BICRAL: variants seen among roughly 807,000 people sequenced by gnomAD.
BICRAL encodes BRD4-interacting chromatin-remodeling complex-associated protein-like.
Under a neutral mutation model 91.8 loss-of-function variants are expected in BICRAL, and 8 were observed. That is an observed-to-expected ratio of 0.09 (90% CI 0.05 to 0.16). The LOEUF (loss-of-function observed/expected upper bound fraction) is 0.16, where lower values mean the gene tolerates loss of function less well. Among genes scored for constraint, BICRAL ranks in the 10% least tolerant of loss-of-function variants. The pLI is 1.00. For synonymous variants in BICRAL, 445 were observed against 491.1 expected, an observed-to-expected ratio of 0.91 and a Z score of 1.24; for missense variants, 1,038 against 1,310.9, an observed-to-expected ratio of 0.79 and a Z score of 3.21.
At chr6:42,774,428 G>A (rs1762782294) in intron 1 of BICRAL, among the ~76,000 whole-genome samples, 1 of 152,152 alleles carries the variant, frequency 6.6e-6, no homozygotes, top group Admixed American at 6.5e-5. Context: ...CTTGCATGTG[G>A]TGGGGCAGGA....
At chr6:42,838,453 G>T (rs2113978860) in intron 6 of BICRAL, among the ~76,000 whole-genome samples, 1 of 152,236 alleles carries the variant, frequency 6.6e-6, no homozygotes, top group South Asian at 2.1e-4. Context: ...TGGTTAAGTG[G>T]CCTCTCCCAG....
chr6:42,784,049 G>C (rs1234588746), intron 1 of BICRAL, among the ~76,000 whole-genome samples: 1 of 152,150 alleles, frequency 6.6e-6, no homozygotes, highest in East Asian at 1.9e-4. Flanking sequence ...TCGTTTCTTA[G>C]TTTTACTCTA....
upstream of BICRAL, among the ~76,000 whole-genome samples, chr6:42,746,758 C>T (rs1762282878): frequency 6.6e-6 from 1 of 152,088 alleles, no homozygotes; most frequent in Non-Finnish European, 1.5e-5. Flanking sequence ...GGCCTGGGGG[C>T]TCCTGGATCC....
chr6:42,855,814 T>C, intron 8 of BICRAL, 42 bp from the exon 9 acceptor site: 1 of 1,512,474 alleles, frequency 6.6e-7, no homozygotes, highest in Non-Finnish European at 9.2e-7. Context: ...TGTATTCTTT[T>C]TTCTATAAAA....
chr6:42,781,922 C>CG (rs34660487), upstream of BICRAL: 146,589 of 146,710 alleles, frequency 1, 73,234 homozygotes, highest in Middle Eastern at 1. Context: ...GCGCGGGGAG[C>CG]GGCGCCCCGG....
intron 1 of BICRAL, among the ~76,000 whole-genome samples, chr6:42,748,719 G>A (rs572908554): frequency 7.9e-5 from 12 of 152,220 alleles, no homozygotes; most frequent in Non-Finnish European, 1.5e-4. Flanking sequence ...GCATTGGCTG[G>A]ACAGTTCTTT....
At chr6:42,798,933 A>AT (rs1449697752) in intron 1 of BICRAL, among the ~76,000 whole-genome samples, 1 of 113,480 alleles carries the variant, frequency 8.8e-6, no homozygotes, top group African/African-American at 4.7e-5. Context: ...TAAAATTTGT[A>AT]TTATTTTTTA....
chr6:42,823,229 G>A (rs533610032), intron 5 of BICRAL, among the ~76,000 whole-genome samples: 66 of 152,176 alleles, frequency 4.3e-4, no homozygotes, highest in African/African-American at 1.4e-3. Context: ...AGGCTGAAGC[G>A]ATCCTCCCAC....
rs16896080 is a variant in BICRAL at position 42,803,509 on chromosome 6, T to C, written c.-101-6797T>C. 7.4e-3 allele frequency among the ~76,000 whole-genome samples: 1,121 copies of C among 152,282 alleles called. 9 individuals are homozygous for C. The highest frequency in any genetic ancestry group is 0.024 in the African/African-American group (993 of 41,558). The stretch of plus-strand genomic sequence containing the variant: ...GTCAAAAAGTGCTCACATGTAGCCT[T>C]GGTGCATATTCTTGGAAAGTAAATT... On this transcript the variant is annotated intron_variant, in intron 1 of 12. Coordinates refer to ENST00000314073, the MANE Select transcript of BICRAL (RefSeq NM_001393499.1).
intron 1 of BICRAL, among the ~76,000 whole-genome samples, chr6:42,774,500 C>A (rs1020108183): frequency 1.3e-5 from 2 of 152,180 alleles, no homozygotes; most frequent in Non-Finnish European, 2.9e-5. Context: ...TCAGTGTGCC[C>A]TTTGCTCTGA....
At chr6:42,840,192 C>A (rs1764742632) in intron 6 of BICRAL, among the ~76,000 whole-genome samples, 1 of 152,002 alleles carries the variant, frequency 6.6e-6, no homozygotes. Flanking sequence ...CCATAACACT[C>A]AGACAAATCT....
At chr6:42,846,638 G>A (rs2114001757) in intron 6 of BICRAL, among the ~76,000 whole-genome samples, 1 of 152,234 alleles carries the variant, frequency 6.6e-6, no homozygotes, top group South Asian at 2.1e-4. Flanking sequence ...GGCGGCACAA[G>A]GAAGTAGTTT....
chr6:42,833,570 C>T (rs1013049097), intron 6 of BICRAL, among the ~76,000 whole-genome samples: 1 of 152,100 alleles, frequency 6.6e-6, no homozygotes, highest in Non-Finnish European at 1.5e-5. Context: ...GCCTCAGCCT[C>T]CCGAGTAGCT....
chr6:42,822,515 C>T (rs942460017), intron 3 of BICRAL, among the ~76,000 whole-genome samples: 14 of 151,138 alleles, frequency 9.3e-5, no homozygotes, highest in African/African-American at 3.2e-4. Context: ...TCCCAAAGTG[C>T]TGGGATTACA....
intron 6 of BICRAL, among the ~76,000 whole-genome samples, chr6:42,849,160 C>T (rs574906680): frequency 6.6e-6 from 1 of 152,268 alleles, no homozygotes; most frequent in South Asian, 2.1e-4. Context: ...TTCATCACTG[C>T]ACTTCAGCCT....
intron 1 of BICRAL, among the ~76,000 whole-genome samples, chr6:42,772,972 C>T (rs920364966): frequency 6.6e-6 from 1 of 152,108 alleles, no homozygotes; most frequent in South Asian, 2.1e-4. Flanking sequence ...TAATATTTAA[C>T]ATGTATAGCA....
chr6:42,844,380 G>T (rs1408909351), intron 6 of BICRAL, among the ~76,000 whole-genome samples: 1 of 150,974 alleles, frequency 6.6e-6, no homozygotes, highest in Non-Finnish European at 1.5e-5. Context: ...GTGGTGGCGG[G>T]CACCTGTAGT....
intron 2 of BICRAL, among the ~76,000 whole-genome samples, chr6:42,818,766 G>C (rs1478490194): frequency 6.6e-6 from 1 of 152,100 alleles, no homozygotes; most frequent in Non-Finnish European, 1.5e-5. Flanking sequence ...TATGAGGTGT[G>C]AATCTACCTT....
chr6:42,858,602 G>C (rs976097963), intron 10 of BICRAL, among the ~76,000 whole-genome samples: 3 of 150,570 alleles, frequency 2.0e-5, no homozygotes, highest in Non-Finnish European at 4.4e-5. Context: ...TGGGTCACCT[G>C]AGGTCAGGAG....
Sources: gnomAD v4.1 joint callset for allele counts (sites outside exome capture counted in the v4.1 genomes callset) on GRCh38, gnomAD v4.1.1 for gene constraint, MANE v1.5 for transcripts, NCBI Gene and HGNC (gene_info 2026-07-23, HGNC 2026-07-21) for gene names.